Variants in PLPBP observed in about 807,000 individuals in gnomAD.
The protein encoded by PLPBP is pyridoxal phosphate binding protein, also known as pyridoxal phosphate homeostasis protein.
In PLPBP, 21 loss-of-function variants were observed where a neutral mutation model predicts 31.2. The ratio of observed to expected loss-of-function variants is 0.67; its 90% CI spans 0.48 to 0.97. The LOEUF (loss-of-function observed/expected upper bound fraction) is 0.97, where lower values mean the gene tolerates loss of function less well. Ranked by LOEUF, PLPBP falls within the 50% of genes least tolerant of loss-of-function variation. The pLI is 0.00. For missense variants in PLPBP, 308 were observed against 354.4 expected (o/e 0.87, Z 1.05); for synonymous variants, 124 against 135.6 (o/e 0.91, Z 0.59).
At chr8:37,775,221 T>C in intron 5 of PLPBP, 118 bp from the exon 6 acceptor site, 5 of 1,211,428 alleles carry the variant, frequency 4.1e-6, no homozygotes, top group Non-Finnish European at 5.9e-6. Flanking sequence ...TTGAGGCTCT[T>C]TCAAGAGGTT....
chr8:37,775,217 C>T (rs1803868753), intron 5 of PLPBP, 122 bp from the exon 6 acceptor site: 1 of 1,127,252 alleles, frequency 8.9e-7, no homozygotes. Context: ...GGACTTGAGG[C>T]TCTTTCAAGA....
In PLPBP at chr8:37,765,759, C is replaced by T. The variant is rs181195995; in HGVS notation, c.243+13C>T. ...ATCAAATCCCAAAGTAAGTAGATAG[C>T]TGAATTCTTTAATTTGTATCTAAAT... On this transcript the variant is annotated intron_variant, in intron 3 of 7. Transcript: ENST00000328195. 4.9e-4 allele frequency: 785 copies of T among 1,606,536 alleles called. 2 individuals carry two copies. Among genetic ancestry groups the T allele is most frequent in the Middle Eastern group, 1.3e-3 (8 of 6,040 alleles).
chr8:37,779,021 T>G lies in PLPBP; in HGVS notation c.*917T>G, dbSNP rs1003616604. 1.3e-5 allele frequency: 2 copies of G among 152,028 alleles called. No individual in the cohort carries two copies. The highest frequency in any genetic ancestry group is 1.3e-4 in the Admixed American group (2 of 15,262). The allele number at this position is 152,028 out of a possible 1,614,324, so 9.4% of individuals were successfully genotyped here. On this transcript the variant is annotated 3_prime_UTR_variant, in exon 8 of 8. Transcript: ENST00000328195. Reference sequence around the variant, plus strand: ...TTAAAGCAACCTTTTAATATGCAGATAATACCCCCCAACTTTTTTAGAGAC... The same window carrying G: ...TTAAAGCAACCTTTTAATATGCAGAGAATACCCCCCAACTTTTTTAGAGAC...
chr8:37,775,829 T>C (rs1345193844), intron 6 of PLPBP, 89 bp from the exon 7 acceptor site: 14 of 1,311,474 alleles, frequency 1.1e-5, no homozygotes, highest in Non-Finnish European at 1.5e-5. Flanking sequence ...AAGGAATACA[T>C]AACCGTTGTC....
intron 4 of PLPBP, 49 bp downstream of exon 4, chr8:37,766,404 C>A: frequency 6.5e-7 from 1 of 1,545,480 alleles, no homozygotes; most frequent in Non-Finnish European, 8.9e-7. Flanking sequence ...CATTGTATTG[C>A]TTCTACTACC....
At chr8:37,762,827 G>T in intron 1 of PLPBP, 69 bp downstream of exon 1, 13 of 1,506,150 alleles carry the variant, frequency 8.6e-6, no homozygotes, top group Non-Finnish European at 1.2e-5. Context: ...CGTGGGAATG[G>T]GTCGTCACGG....
chr8:37,778,228 A>G lies in PLPBP; in HGVS notation c.*124A>G. Reference sequence around the variant, plus strand: ...AGAGCACTAATGATCACGTGTGTTGATGGAAACCATCTGTGCTTAGTCTCT... The same window carrying G: ...AGAGCACTAATGATCACGTGTGTTGGTGGAAACCATCTGTGCTTAGTCTCT... On this transcript the variant is annotated 3_prime_UTR_variant, in exon 8 of 8. Transcript: ENST00000328195. 8.2e-7 allele frequency: 1 copy of G among 1,218,384 alleles called. No individual in the cohort carries two copies. The highest frequency in any genetic ancestry group is 1.1e-6 in the Non-Finnish European group (1 of 890,168). The allele number at this position is 1,218,384 out of a possible 1,614,324, so 75.5% of individuals were successfully genotyped here.
Position 37,776,986 on chromosome 8 carries a change from C to T in PLPBP, c.696+970C>T, listed in dbSNP as rs533803500. Among the ~76,000 whole-genome samples, 57 of 152,232 alleles carry T rather than the reference C, an allele frequency of 3.7e-4. No homozygotes were observed. In the South Asian group the frequency reaches 0.011, roughly 29 times the overall value. The stretch of plus-strand genomic sequence containing the variant: ...TTCACCGTATTGGCCAGGCTGGTCT[C>T]GAACTCCTGACCTCAGGTAATCCAC... On this transcript the variant is annotated intron_variant, in intron 7 of 7. Transcript: ENST00000328195.
intron 4 of PLPBP, among the ~76,000 whole-genome samples, chr8:37,770,777 A>G (rs1803751057): frequency 6.6e-6 from 1 of 151,196 alleles, no homozygotes; most frequent in Non-Finnish European, 1.5e-5. Flanking sequence ...GGGTTTCACC[A>G]TGTTGGCCAG....
intron 4 of PLPBP, among the ~76,000 whole-genome samples, chr8:37,767,365 A>G (rs916319044): frequency 6.6e-6 from 1 of 152,184 alleles, no homozygotes; most frequent in Non-Finnish European, 1.5e-5. Context: ...CTCTTCCTCA[A>G]GAACCACTTA....
intron 4 of PLPBP, among the ~76,000 whole-genome samples, chr8:37,770,895 G>T (rs1359148014): frequency 6.6e-6 from 1 of 152,084 alleles, no homozygotes; most frequent in Non-Finnish European, 1.5e-5. Flanking sequence ...AATATGTAAA[G>T]GTGATGGGAG....
At chr8:37,766,399 T>C in intron 4 of PLPBP, 44 bp downstream of exon 4, 1 of 1,560,250 alleles carries the variant, frequency 6.4e-7, no homozygotes, top group Non-Finnish European at 8.8e-7. Context: ...TCTGTCATTG[T>C]ATTGCTTCTA....
chr8:37,771,119 GC>G (rs1188066679), intron 4 of PLPBP, among the ~76,000 whole-genome samples: 1 of 151,996 alleles, frequency 6.6e-6, no homozygotes, highest in East Asian at 1.9e-4. Flanking sequence ...ATCACTTGAA[GC>G]CAAATACATA....
chr8:37,766,709 A>G, intron 4 of PLPBP: 1 of 859,912 alleles, frequency 1.2e-6, no homozygotes, highest in African/African-American at 1.8e-5. Flanking sequence ...TAAATAAAAT[A>G]CAATACAGTA....
upstream of PLPBP, chr8:37,762,551 C>T: frequency 6.8e-7 from 1 of 1,476,734 alleles, no homozygotes; most frequent in Non-Finnish European, 9.0e-7. Context: ...GGTGAGACGA[C>T]TCAATGATGA....
Position 37,779,285 on chromosome 8 carries a change from A to G in PLPBP, c.*1181A>G, listed in dbSNP as rs1804001531. 1 of 152,052 alleles carries G rather than the reference A, an allele frequency of 6.6e-6. No homozygotes were observed. 9.4% of individuals were successfully genotyped at this position (152,052 alleles called of 1,614,324 possible). ...TTTAAATCAAAACCCAGTGAATCTC[A>G]TTACTCCTAAGAAACGAAAGATTCC... On this transcript the variant is annotated 3_prime_UTR_variant, in exon 8 of 8. Coordinates refer to ENST00000328195, the MANE Select transcript of PLPBP (RefSeq NM_007198.4).
At chr8:37,777,915 C>G (rs928516695) in intron 7 of PLPBP, 58 bp from the exon 8 acceptor site, 1 of 1,550,212 alleles carries the variant, frequency 6.5e-7, no homozygotes, top group African/African-American at 1.4e-5. Context: ...AGCTTCAGCA[C>G]TGGCTCCATT....
chr8:37,770,681 G>A (rs564049582), intron 4 of PLPBP, among the ~76,000 whole-genome samples: 110 of 152,102 alleles, frequency 7.2e-4, no homozygotes, highest in Non-Finnish European at 1.2e-3. Flanking sequence ...GGGTTCAAGC[G>A]ATTCTCCTGC....
At chr8:37,762,798 T>C in intron 1 of PLPBP, 40 bp downstream of exon 1, 1 of 1,531,670 alleles carries the variant, frequency 6.5e-7, no homozygotes, top group Non-Finnish European at 8.7e-7. Context: ...GGCGGCCGCC[T>C]TGAGAAGAGG....
Sources: allele counts gnomAD v4.1 joint callset (sites outside exome capture counted in the v4.1 genomes callset), GRCh38; gene constraint gnomAD v4.1.1; transcripts MANE v1.5; gene names NCBI Gene and HGNC (gene_info 2026-07-23, HGNC 2026-07-21).